Variants in ZNF37A observed in about 807,000 individuals in gnomAD.
ZNF37A encodes zinc finger protein 37a (KOX 21).
A neutral mutation model predicts 12.3 loss-of-function variants in ZNF37A; 10 were observed. That is an observed-to-expected ratio of 0.82 (90% CI 0.50 to 1.38). ZNF37A has a LOEUF of 1.38. Ranked by LOEUF, ZNF37A falls within the 40% of genes most tolerant of loss-of-function variation. The probability of loss-of-function intolerance (pLI) is 0.00; values close to 1 mark genes in which losing one functional copy is unlikely to be tolerated. For synonymous variants in ZNF37A, 207 were observed against 223.0 expected, an observed-to-expected ratio of 0.93 and a Z score of 0.64; for missense variants, 580 against 651.2, an observed-to-expected ratio of 0.89 and a Z score of 1.19.
At chr10:38,147,447 A>G (rs1339387677) in exon 8 of ZNF37A, 1 of 152,246 alleles carries the variant, frequency 6.6e-6, no homozygotes, top group Non-Finnish European at 1.5e-5. Context: ...TTAGCAGTTT[A>G]GTAAATAAAA....
At chr10:38,146,224 G>C (rs1292749619) in intron 7 of ZNF37A, among the ~76,000 whole-genome samples, 4 of 152,162 alleles carry the variant, frequency 2.6e-5, no homozygotes, top group African/African-American at 7.2e-5. Flanking sequence ...ACATTTCCCT[G>C]CGACTTAACA....
chr10:38,096,590 T>C lies in ZNF37A; in HGVS notation c.-28T>C. 1 of 1,610,570 alleles carries C rather than the reference T, an allele frequency of 6.2e-7. No individual in the cohort carries two copies. Among genetic ancestry groups the C allele is most frequent in the Non-Finnish European group, 8.5e-7 (1 of 1,178,768 alleles). ...ATTTCTCAGCTACACCCTCACAGTT[T>C]GCTCTGCTCTTCCAACACCAGTGGA... On this transcript the variant is annotated 5_prime_UTR_variant, in exon 5 of 8. Transcript: ENST00000685332.
chr10:38,112,788 T>TCTTGG lies in ZNF37A; in HGVS notation c.16-1967_16-1966insCTTGG, dbSNP rs1564932518. The stretch of plus-strand genomic sequence containing the variant: ...TTCTTTTCTTTTCTTTTCTTTTCTT[T>TCTTGG]TCTTTTCTTGTCTTGTCTTGTCTTC... On this transcript the variant is annotated intron_variant, in intron 5 of 7. Coordinates refer to ENST00000685332, the MANE Select transcript of ZNF37A (RefSeq NM_001324250.3). Among the ~76,000 whole-genome samples, 55 of 111,438 alleles carry TCTTGG rather than the reference T, an allele frequency of 4.9e-4. 8 individuals are homozygous for TCTTGG. The highest frequency in any genetic ancestry group is 7.1e-4 in the African/African-American group (21 of 29,442). The allele number at this position is 111,438 out of a possible 152,430, so 73.1% of individuals were successfully genotyped here.
At chr10:38,111,330 CAG>C (rs1491350756) in intron 5 of ZNF37A, among the ~76,000 whole-genome samples, 1 of 150,938 alleles carries the variant, frequency 6.6e-6, no homozygotes. Context: ...CAGGGCCTGT[CAG>C]GGGGTTGGGG....
Position 38,117,791 on chromosome 10 carries a change from AT to A in ZNF37A, c.642del (p.Leu215SerfsTer14). On this transcript the variant is annotated frameshift_variant, in exon 8 of 8. Transcript: ENST00000685332. LOFTEE classifies it low-confidence loss of function (END_TRUNC). ...ECGENIFEES[I>X]LLEHQSVYPF... ...TGGAGAAAATATCTTTGAGGAATCC[AT>A]TCTCCTTGAACATCAGAGTGTTTAC... 6.2e-7 allele frequency: 1 copy of A among 1,614,030 alleles called. No individual in the cohort carries two copies. The highest frequency in any genetic ancestry group is 1.7e-5 in the Admixed American group (1 of 59,942).
intron 5 of ZNF37A, among the ~76,000 whole-genome samples, chr10:38,104,360 C>T (rs910973972): frequency 6.6e-6 from 1 of 152,090 alleles, no homozygotes; most frequent in African/African-American, 2.4e-5. Context: ...ATACTGTCCA[C>T]GTTGGCACAG....
intron 5 of ZNF37A, among the ~76,000 whole-genome samples, chr10:38,101,823 C>CTTTTTTTTTTTT (rs3041908): frequency 1.7e-4 from 22 of 133,122 alleles, no homozygotes; most frequent in Non-Finnish European, 2.6e-4. Context: ...TTTTATTTTT[C>CTTTTTTTTTTTT]TTTTTTTTTT....
exon 8 of ZNF37A, chr10:38,148,363 C>T (rs1347129853): frequency 2.6e-5 from 4 of 152,170 alleles, no homozygotes; most frequent in African/African-American, 9.7e-5. Flanking sequence ...CTGTCCAATC[C>T]CCTCCCAGAT....
chr10:38,145,117 G>T (rs1476427989), intron 7 of ZNF37A, among the ~76,000 whole-genome samples: 2 of 152,100 alleles, frequency 1.3e-5, no homozygotes, highest in African/African-American at 4.8e-5. Context: ...GAACGGCTTG[G>T]ATGCTAAACA....
At chr10:38,130,693 T>C (rs1341747208) in intron 7 of ZNF37A, among the ~76,000 whole-genome samples, 1 of 151,998 alleles carries the variant, frequency 6.6e-6, no homozygotes, top group Admixed American at 6.6e-5. Context: ...TGTTCTCGAA[T>C]TCCTGTCCTC....
rs1269330784 is a variant in ZNF37A at position 38,120,283 on chromosome 10, G to A, written c.*1446G>A. 2.0e-5 allele frequency: 3 copies of A among 152,008 alleles called. No individual in the cohort carries two copies. Among genetic ancestry groups the A allele is most frequent in the Non-Finnish European group, 2.9e-5 (2 of 68,040 alleles). 9.4% of individuals were successfully genotyped at this position (152,008 alleles called of 1,614,324 possible). A position where few individuals can be genotyped will look rare whatever the true frequency, so the allele number is the denominator to read the frequency against. On this transcript the variant is annotated 3_prime_UTR_variant, in exon 8 of 8. Transcript: ENST00000685332. ...GTCTCTACTAAAAATACAAAAATTA[G>A]CCGGGCATGGTGGTGCACATCGGTA...
downstream of ZNF37A, among the ~76,000 whole-genome samples, chr10:38,127,052 A>T (rs2069938324): frequency 6.6e-6 from 1 of 152,238 alleles, no homozygotes; most frequent in South Asian, 2.1e-4. Flanking sequence ...TTTCAAGTGC[A>T]AAAAGTAAAC....
rs187133517 is a variant in ZNF37A, at chr10:38,100,187, G to C, written c.15+3555G>C. On this transcript the variant is annotated intron_variant, in intron 5 of 7. Coordinates refer to ENST00000685332, the MANE Select transcript of ZNF37A (RefSeq NM_001324250.3). Reference sequence around the variant, plus strand: ...TCACAGACATCAAGTACTTTACAAGGTAATAGAATATCACAAGGCAAGTGG... The same window carrying C: ...TCACAGACATCAAGTACTTTACAAGCTAATAGAATATCACAAGGCAAGTGG... 2.6e-3 allele frequency among the ~76,000 whole-genome samples: 396 copies of C among 152,258 alleles called. 4 individuals carry two copies. Among genetic ancestry groups the C allele is most frequent in the Non-Finnish European group, 4.9e-3 (332 of 68,012 alleles).
chr10:38,095,954 A>G (rs1564906989), intron 4 of ZNF37A, 150 bp downstream of exon 4: 3 of 152,188 alleles, frequency 2.0e-5, no homozygotes, highest in Non-Finnish European at 4.4e-5. Context: ...TGGGAGGCTG[A>G]GGGGGGTGGA....
chr10:38,096,802 A>G (rs766983122), intron 5 of ZNF37A, among the ~76,000 whole-genome samples, 170 bp downstream of exon 5: 21 of 152,204 alleles, frequency 1.4e-4, no homozygotes, highest in Non-Finnish European at 2.9e-4. Flanking sequence ...TATGGTCCAC[A>G]AACGAAGGAT....
intron 7 of ZNF37A, among the ~76,000 whole-genome samples, chr10:38,144,866 A>C (rs1039015324): frequency 5.3e-5 from 8 of 152,140 alleles, no homozygotes; most frequent in Non-Finnish European, 1.0e-4. Flanking sequence ...CTGCATACAA[A>C]ACTCAAGAAT....
intron 2 of ZNF37A, 119 bp downstream of exon 2, chr10:38,095,343 T>A (rs2067067518): frequency 6.6e-6 from 1 of 152,274 alleles, no homozygotes; most frequent in South Asian, 2.1e-4. Flanking sequence ...GAGGCTCGAT[T>A]TGTGTCCTTT....
intron 5 of ZNF37A, among the ~76,000 whole-genome samples, chr10:38,104,060 T>G (rs550609848): frequency 6.6e-6 from 1 of 152,330 alleles, no homozygotes; most frequent in South Asian, 2.1e-4. Flanking sequence ...TGATCTCAAT[T>G]CCCTGCTTTA....
downstream of ZNF37A, among the ~76,000 whole-genome samples, chr10:38,125,760 C>A (rs934024820): frequency 1.3e-5 from 2 of 152,100 alleles, no homozygotes; most frequent in African/African-American, 4.8e-5. Context: ...TTAGACCATT[C>A]TTGCATTGCT....
Sources: allele counts gnomAD v4.1 joint callset (sites outside exome capture counted in the v4.1 genomes callset), GRCh38; gene constraint gnomAD v4.1.1; transcripts MANE v1.5; gene names NCBI Gene and HGNC (gene_info 2026-07-23, HGNC 2026-07-21).